Variants in CEACAM20 observed in about 807,000 individuals in gnomAD.
The protein encoded by CEACAM20 is cell adhesion molecule CEACAM20.
CEACAM20 carries 50 observed loss-of-function variants against 61.2 expected under a neutral mutation model. That is an observed-to-expected ratio of 0.82 (90% CI 0.65 to 1.03). The LOEUF (loss-of-function observed/expected upper bound fraction) is 1.03, where lower values mean the gene tolerates loss of function less well. Among genes scored for constraint, CEACAM20 ranks in the 50% least tolerant of loss-of-function variants. The probability of loss-of-function intolerance (pLI) is 0.00; values close to 1 mark genes in which losing one functional copy is unlikely to be tolerated. For missense variants in CEACAM20, 683 were observed against 736.4 expected, an observed-to-expected ratio of 0.93 and a Z score of 0.84; for synonymous variants, 282 against 287.7, an observed-to-expected ratio of 0.98 and a Z score of 0.20.
rs1243533425 is a variant in CEACAM20, at chr19:44,511,091, G to T, written c.1676C>A (p.Pro559His). ...GACCAATCTGAGTGGGGGCATCAGAGGTTTGGGTGGTGGCTTCCAGGGGCT... is the reference window on the plus strand; with the variant it reads ...GACCAATCTGAGTGGGGGCATCAGATGTTTGGGTGGTGGCTTCCAGGGGCT... ...SFSPWKPPPK[P>H]LMPPLRLVST... Residue 559 changes from proline (P) to histidine (H), a missense_variant, in exon 11 of 12, where the codon CCT (proline) becomes CAT (histidine). Pro to His is a moderately conservative substitution (Grantham distance 77). Transcript: ENST00000614924. 6.2e-7 allele frequency: 1 copy of T among 1,613,992 alleles called. No individual in the cohort carries two copies. The highest frequency in any genetic ancestry group is 1.1e-5 in the South Asian group (1 of 91,078).
chr19:44,525,690 G>A (rs1262712894), intron 1 of CEACAM20, among the ~76,000 whole-genome samples: 6 of 152,054 alleles, frequency 3.9e-5, no homozygotes, highest in African/African-American at 1.2e-4. Context: ...TGACCTGCCC[G>A]CCTCGGCCTC....
chr19:44,507,938 T>C (rs981997288), intron 11 of CEACAM20, among the ~76,000 whole-genome samples: 2 of 152,212 alleles, frequency 1.3e-5, no homozygotes, highest in Admixed American at 1.3e-4. Flanking sequence ...TTTTCAAGAA[T>C]AGTTATCTGT....
chr19:44,511,219 T>TA (rs1970989668), intron 10 of CEACAM20, 64 bp from the exon 11 acceptor site: 1 of 1,590,832 alleles, frequency 6.3e-7, no homozygotes, highest in Non-Finnish European at 8.6e-7. Context: ...TGTACCAACT[T>TA]ACACTCTTCA....
At chr19:44,527,948 C>T (rs1016441045) in intron 1 of CEACAM20, among the ~76,000 whole-genome samples, 4 of 152,106 alleles carry the variant, frequency 2.6e-5, no homozygotes, top group African/African-American at 4.8e-5. Context: ...TGGACCTGGC[C>T]GCTCAGGGCT....
rs1337264867 is a variant in CEACAM20 at position 44,513,305 on chromosome 19, G to A, written c.1310-16C>T. On this transcript the variant is annotated splice_polypyrimidine_tract_variant and intron_variant, in intron 6 of 11. Coordinates refer to ENST00000614924, the MANE Select transcript of CEACAM20 (RefSeq NM_001102597.3). ...GACTGGGGACCTGGGCAAGGAGACAGAATCAAGACCCAGGCTTGACACACC... is the reference window on the plus strand; with the variant it reads ...GACTGGGGACCTGGGCAAGGAGACAAAATCAAGACCCAGGCTTGACACACC... The A allele has an allele frequency of 6.4e-7, 1 of 1,572,086 alleles. No homozygotes were observed. Among genetic ancestry groups the A allele is most frequent in the South Asian group, 1.1e-5 (1 of 89,956 alleles).
At chr19:44,517,973 C>T (rs1434132216) in intron 5 of CEACAM20, among the ~76,000 whole-genome samples, 1 of 151,556 alleles carries the variant, frequency 6.6e-6, no homozygotes, top group African/African-American at 2.4e-5. Flanking sequence ...ATTGCAGCTA[C>T]TCGAGTGGCT....
chr19:44,518,128 A>AAAGAAAGAAAGAAAGAAAG (rs1971238147), intron 5 of CEACAM20, among the ~76,000 whole-genome samples: 1 of 87,578 alleles, frequency 1.1e-5, no homozygotes, highest in African/African-American at 4.5e-5. Context: ...GGAAGGAAGG[A>AAAGAAAGAAAGAAAGAAAG]AGGAAGGAAG....
intron 11 of CEACAM20, among the ~76,000 whole-genome samples, chr19:44,509,288 A>C (rs201457703): frequency 6.6e-6 from 1 of 152,118 alleles, no homozygotes; most frequent in East Asian, 1.9e-4. Context: ...AGAGAAGTGG[A>C]GAGGAAATTA....
At position 44,524,204 on chromosome 19, in the gene CEACAM20, A is replaced by T; in HGVS notation, c.254T>A (p.Met85Lys). 1 of 1,613,898 alleles carries T rather than the reference A, an allele frequency of 6.2e-7. No individual in the cohort carries two copies. The highest frequency in any genetic ancestry group is 1.7e-5 in the Admixed American group (1 of 60,016). The change falls in exon 3 of 12, where the codon ATG becomes AAG. Residue 85 changes from methionine (M) to lysine (K), a missense_variant. By Grantham distance (95) the Met-to-Lys change is moderately conservative. Coordinates refer to ENST00000614924, the MANE Select transcript of CEACAM20 (RefSeq NM_001102597.3). ...SPGTAIEQKD[M>K]VTFYCTTKDV... ...CTTAGTGGTGCAGTAGAAGGTCACCATGTCCTTCTGCTCTATGGCAGTGCC... is the reference window on the plus strand; with the variant it reads ...CTTAGTGGTGCAGTAGAAGGTCACCTTGTCCTTCTGCTCTATGGCAGTGCC...
At chr19:44,513,378 C>A in intron 6 of CEACAM20, 89 bp from the exon 7 acceptor site, 1 of 831,636 alleles carries the variant, frequency 1.2e-6, no homozygotes, top group South Asian at 1.7e-5. Context: ...TTTTTCTCTA[C>A]TGACATTTTG....
At chr19:44,525,283 T>G (rs1599688891) in intron 1 of CEACAM20, 39 bp from the exon 2 acceptor site, 1 of 1,540,274 alleles carries the variant, frequency 6.5e-7, no homozygotes, top group Non-Finnish European at 8.7e-7. Context: ...GAGGGAGAGG[T>G]GTGTTGGGGG....
At chr19:44,523,396 G>T (rs1252164457) in intron 3 of CEACAM20, among the ~76,000 whole-genome samples, 1 of 150,058 alleles carries the variant, frequency 6.7e-6, no homozygotes, top group Admixed American at 6.8e-5. Context: ...ACAGCAGAGA[G>T]AAATCTTGTC....
intron 11 of CEACAM20, among the ~76,000 whole-genome samples, chr19:44,506,663 T>TG (rs1205059688): frequency 6.6e-6 from 1 of 152,218 alleles, no homozygotes; most frequent in Non-Finnish European, 1.5e-5. Flanking sequence ...GAACTGAGGA[T>TG]GACCTCCAGC....
chr19:44,528,251 CAG>C (rs567064641), intron 1 of CEACAM20, among the ~76,000 whole-genome samples: 164 of 145,738 alleles, frequency 1.1e-3, no homozygotes, highest in African/African-American at 3.7e-3. Flanking sequence ...TTTTTTTTGA[CAG>C]AGTCTTACTC....
intron 1 of CEACAM20, among the ~76,000 whole-genome samples, chr19:44,528,391 C>T (rs1323430433): frequency 6.6e-6 from 1 of 151,986 alleles, no homozygotes; most frequent in Non-Finnish European, 1.5e-5. Context: ...CCACACTCAG[C>T]TAATTTTCGT....
rs1215965578 is a variant in CEACAM20 at position 44,510,593 on chromosome 19, A to G, written c.1737+437T>C. On this transcript the variant is annotated intron_variant, in intron 11 of 11. Coordinates refer to ENST00000614924, the MANE Select transcript of CEACAM20 (RefSeq NM_001102597.3). ...GAAAGAAAGAAAGAAAGAAAGAAAGAAAGAAAGAAAGAAAGAAAAAGGAAG... is the reference window on the plus strand; with the variant it reads ...GAAAGAAAGAAAGAAAGAAAGAAAGGAAGAAAGAAAGAAAGAAAAAGGAAG... 2.2e-4 allele frequency among the ~76,000 whole-genome samples: 14 copies of G among 63,434 alleles called. No individual in the cohort carries two copies. In the East Asian group the frequency reaches 2.9e-3, roughly 13 times the overall value. 41.6% of individuals were successfully genotyped at this position (63,434 alleles called of 152,430 possible).
chr19:44,511,472 A>C (rs951364887), intron 10 of CEACAM20, among the ~76,000 whole-genome samples, 165 bp downstream of exon 10: 15 of 152,096 alleles, frequency 9.9e-5, no homozygotes, highest in African/African-American at 3.4e-4. Flanking sequence ...ATGGCATCTG[A>C]CCCAGCTCTC....
intron 3 of CEACAM20, among the ~76,000 whole-genome samples, chr19:44,523,502 T>C (rs1371814957): frequency 6.6e-6 from 1 of 152,022 alleles, no homozygotes; most frequent in African/African-American, 2.4e-5. Flanking sequence ...AGGTTTTGGA[T>C]CAAACGTCTG....
chr19:44,522,735 ATGGTGAATGTTCTCG>A lies in CEACAM20; in HGVS notation c.635_649del (p.Thr212_Thr216del), dbSNP rs1441919587. ...CTCATGTTCTCTGGACACAGCATGG[ATGGTGAATGTTCTCG>A]TGGTGTGAGACAGAATGGAGTCAAG... is the stretch of plus-strand genomic sequence containing the variant. On this transcript the variant is annotated inframe_deletion, in exon 4 of 12. Coordinates refer to ENST00000614924, the MANE Select transcript of CEACAM20 (RefSeq NM_001102597.3). 2 of 1,613,806 alleles carry A rather than the reference ATGGTGAATGTTCTCG, an allele frequency of 1.2e-6. No individual in the cohort carries two copies. The highest frequency in any genetic ancestry group is 1.3e-5 in the African/African-American group (1 of 74,922).
Sources: gnomAD v4.1 joint callset for allele counts (sites outside exome capture counted in the v4.1 genomes callset) on GRCh38, gnomAD v4.1.1 for gene constraint, MANE v1.5 for transcripts, NCBI Gene and HGNC (gene_info 2026-07-23, HGNC 2026-07-21) for gene names.